The following DET1 variants were observed in gnomAD, a reference collection of about 807,000 sequenced individuals.
The protein encoded by DET1 is DET1 partner of COP1 E3 ubiquitin ligase, also known as DET1 homolog.
Under a neutral mutation model 43.7 loss-of-function variants are expected in DET1, and 22 were observed. The observed-to-expected ratio is 0.50, with a 90% confidence interval of 0.36 to 0.72. DET1 has a LOEUF of 0.72. Ranked by LOEUF, DET1 falls within the 30% of genes least tolerant of loss-of-function variation. The probability of loss-of-function intolerance (pLI) is 0.00; values close to 1 mark genes in which losing one functional copy is unlikely to be tolerated. For missense variants in DET1, 713 were observed against 713.3 expected, an observed-to-expected ratio of 1.00 and a Z score of 0.00; for synonymous variants, 315 against 266.2, an observed-to-expected ratio of 1.18 and a Z score of -1.79.
chr15:88,542,459 A>T (rs142522053), intron 1 of DET1, among the ~76,000 whole-genome samples: 42 of 152,202 alleles, frequency 2.8e-4, no homozygotes, highest in Non-Finnish European at 4.9e-4. Context: ...TGTCTCCAGG[A>T]GGCTTATCGC....
intron 1 of DET1, among the ~76,000 whole-genome samples, chr15:88,534,967 C>A (rs8024843): frequency 9.5e-4 from 145 of 152,280 alleles, no homozygotes; most frequent in African/African-American, 3.4e-3. Context: ...AATTGACAGA[C>A]ACCAATGTTG....
intron 4 of DET1, 57 bp from the exon 5 acceptor site, chr15:88,513,197 C>G (rs993435573): frequency 2.7e-6 from 4 of 1,498,042 alleles, no homozygotes; most frequent in Non-Finnish European, 3.6e-6. Context: ...TATTCACCAT[C>G]GAACTGAAAT....
downstream of DET1, chr15:88,511,442 C>T (rs1012052921): frequency 5.1e-6 from 5 of 985,504 alleles, no homozygotes; most frequent in Non-Finnish European, 6.0e-6. Context: ...CATTTTCATA[C>T]TTCCATGCCT....
At chr15:88,535,658 A>C (rs1343151721) in intron 1 of DET1, among the ~76,000 whole-genome samples, 2 of 152,146 alleles carry the variant, frequency 1.3e-5, no homozygotes, top group South Asian at 4.1e-4. Context: ...CAGGAGGCTG[A>C]GGTGGGAGGA....
intron 2 of DET1, among the ~76,000 whole-genome samples, chr15:88,529,692 G>A (rs1178102228): frequency 6.6e-6 from 1 of 152,220 alleles, no homozygotes; most frequent in South Asian, 2.1e-4. Context: ...GTGGTTTACT[G>A]ATTTGCTGGT....
At chr15:88,536,486 G>C in intron 1 of DET1, 1 of 566,272 alleles carries the variant, frequency 1.8e-6, no homozygotes, top group Non-Finnish European at 3.1e-6. Flanking sequence ...CAAAGTAAAA[G>C]AGGAACAAAC....
chr15:88,536,962 C>A (rs922429742), intron 1 of DET1, among the ~76,000 whole-genome samples: 12 of 151,922 alleles, frequency 7.9e-5, no homozygotes, highest in Non-Finnish European at 1.5e-4. Context: ...CGATTGGATC[C>A]AATCTGTATT....
At chr15:88,538,571 G>T (rs955589419) in intron 1 of DET1, among the ~76,000 whole-genome samples, 5 of 152,104 alleles carry the variant, frequency 3.3e-5, no homozygotes, top group African/African-American at 1.2e-4. Context: ...CCGTCTCTCG[G>T]TCACCGGCTA....
chr15:88,534,513 GA>G (rs1296275111), intron 1 of DET1, among the ~76,000 whole-genome samples: 1 of 152,190 alleles, frequency 6.6e-6, no homozygotes, highest in Non-Finnish European at 1.5e-5. Flanking sequence ...GATCAAAAGG[GA>G]GACCCCAGTG....
rs1355766170 is a variant in DET1 at position 88,524,677 on chromosome 15, G to C, written c.1271+2922C>G. On this transcript the variant is annotated intron_variant, in intron 3 of 4. Coordinates refer to ENST00000268148, the MANE Select transcript of DET1 (RefSeq NM_001144074.3). ...CAACCCTGTGCTCTCTGAATCATGT[G>C]CTGTGTCCACTCAGGGTTAAATGGA... is the stretch of plus-strand genomic sequence containing the variant. Among the ~76,000 whole-genome samples, 3 of 152,128 alleles carry C rather than the reference G, an allele frequency of 2.0e-5. No individual in the cohort carries two copies. In the East Asian group the frequency reaches 5.8e-4, roughly 29 times the overall value.
intron 3 of DET1, among the ~76,000 whole-genome samples, chr15:88,518,474 T>C (rs2056406377): frequency 6.6e-6 from 1 of 152,220 alleles, no homozygotes; most frequent in Admixed American, 6.5e-5. Context: ...ATACTGTCTA[T>C]ATAATATGGC....
At chr15:88,541,869 T>C (rs1270935292) in intron 1 of DET1, among the ~76,000 whole-genome samples, 8 of 152,176 alleles carry the variant, frequency 5.3e-5, no homozygotes, top group Non-Finnish European at 7.4e-5. Context: ...AGGGAGGACA[T>C]GTCTCTTCGA....
chr15:88,545,183 T>G (rs1044149340), intron 1 of DET1, among the ~76,000 whole-genome samples: 2 of 152,162 alleles, frequency 1.3e-5, no homozygotes, highest in Non-Finnish European at 2.9e-5. Flanking sequence ...AAAAAAAAAT[T>G]GTAATCCTCT....
chr15:88,504,163 C>T lies in DET1; in HGVS notation c.*2066-176G>A, dbSNP rs551343731. 6 of 152,260 alleles carry T rather than the reference C, an allele frequency of 3.9e-5. No individual in the cohort carries two copies. Among genetic ancestry groups the T allele is most frequent in the African/African-American group, 1.4e-4 (6 of 41,546 alleles). The allele number at this position is 152,260 out of a possible 1,614,324, so 9.4% of individuals were successfully genotyped here. A position where few individuals can be genotyped will look rare whatever the true frequency, so the allele number is the denominator to read the frequency against. On this transcript the variant is annotated intron_variant and NMD_transcript_variant, in intron 7 of 8. Transcript: ENST00000557842. This position sits in a 1 kb window ranked among gnomAD's most constrained non-coding sequence, Gnocchi z 4.7. ...CAGGATATTTCATTCACATGGCTAT[C>T]AGCAGGAAGCCTCAGTTCCTCAGCA...
At chr15:88,526,277 G>A (rs939216343) in intron 3 of DET1, among the ~76,000 whole-genome samples, 1 of 152,202 alleles carries the variant, frequency 6.6e-6, no homozygotes, top group Non-Finnish European at 1.5e-5. Flanking sequence ...TCCACTCACT[G>A]TGGTCTGATC....
intron 1 of DET1, chr15:88,532,009 A>C: frequency 3.4e-6 from 1 of 289,974 alleles, no homozygotes; most frequent in Non-Finnish European, 6.4e-6. Context: ...TGAACAGTAT[A>C]AGACACATTC....
At chr15:88,539,245 G>A (rs906628002) in intron 1 of DET1, among the ~76,000 whole-genome samples, 2 of 151,970 alleles carry the variant, frequency 1.3e-5, no homozygotes, top group East Asian at 1.9e-4. Context: ...GCTCCACGGC[G>A]AAAGCTACAC....
chr15:88,540,332 G>A (rs976104278), intron 1 of DET1, among the ~76,000 whole-genome samples: 1 of 152,020 alleles, frequency 6.6e-6, no homozygotes, highest in African/African-American at 2.4e-5. Context: ...AGTGGTATTA[G>A]CTGTTGTGAT....
chr15:88,525,520 C>T (rs1183468070), intron 3 of DET1, among the ~76,000 whole-genome samples: 1 of 152,318 alleles, frequency 6.6e-6, no homozygotes, highest in East Asian at 1.9e-4. Context: ...CAAATACCTA[C>T]AGAGCTCCTC....
Sources: gnomAD v4.1 joint callset for allele counts (sites outside exome capture counted in the v4.1 genomes callset) on GRCh38, gnomAD v4.1.1 for gene constraint, Gnocchi (gnomAD v3.1) non-coding constraint, MANE v1.5 for transcripts, NCBI Gene and HGNC (gene_info 2026-07-23, HGNC 2026-07-21) for gene names.